The following SH3RF3 variants were observed in gnomAD, a reference collection of about 807,000 sequenced individuals.
The protein encoded by SH3RF3 is E3 ubiquitin-protein ligase SH3RF3.
Under a neutral mutation model 66.3 loss-of-function variants are expected in SH3RF3, and 29 were observed. That is an observed-to-expected ratio of 0.44 (90% confidence interval 0.33 to 0.60). The LOEUF (loss-of-function observed/expected upper bound fraction) is 0.60. SH3RF3 is among the 20% of genes least tolerant of loss of function. SH3RF3 has a pLI of 0.04. For missense variants in SH3RF3, 1,194 were observed against 1,190.9 expected, an observed-to-expected ratio of 1.00 and a Z score of -0.04; for synonymous variants, 583 against 532.0, an observed-to-expected ratio of 1.10 and a Z score of -1.32.
chr2:109,287,943 A>G (rs1002354326), intron 1 of SH3RF3, among the ~76,000 whole-genome samples: 3 of 152,252 alleles, frequency 2.0e-5, no homozygotes, highest in African/African-American at 7.2e-5. Context: ...GCCTGTTCAA[A>G]TAAGCAAGCC....
At chr2:109,235,377 C>G (rs1269525343) in intron 1 of SH3RF3, among the ~76,000 whole-genome samples, 1 of 152,122 alleles carries the variant, frequency 6.6e-6, no homozygotes, top group African/African-American at 2.4e-5. Flanking sequence ...TTTGAGAGAC[C>G]CTAATCTTTT....
intron 1 of SH3RF3, among the ~76,000 whole-genome samples, chr2:109,206,532 A>T (rs886561679): frequency 7.2e-6 from 1 of 138,874 alleles, no homozygotes; most frequent in Non-Finnish European, 1.5e-5. Context: ...GAGGAGGCTG[A>T]GTGTGGTGGC....
chr2:109,327,596 T>G (rs1682189134), intron 1 of SH3RF3, among the ~76,000 whole-genome samples: 1 of 152,242 alleles, frequency 6.6e-6, no homozygotes, highest in Non-Finnish European at 1.5e-5. Context: ...CTGAGTCCTC[T>G]TACTCAAGAA....
intron 8 of SH3RF3, among the ~76,000 whole-genome samples, chr2:109,478,759 TATC>T (rs1314652825): frequency 2.0e-5 from 3 of 152,182 alleles, no homozygotes; most frequent in African/African-American, 7.2e-5. Context: ...GCGACGGGCT[TATC>T]ATACAGGTTG....
At chr2:109,429,446 A>C (rs552398448) in intron 5 of SH3RF3, among the ~76,000 whole-genome samples, 55 of 152,284 alleles carry the variant, frequency 3.6e-4, no homozygotes, top group African/African-American at 1.3e-3. Context: ...TCATCAACAG[A>C]ACGAACTTAA....
At chr2:109,393,837 C>T (rs1003088812) in intron 3 of SH3RF3, among the ~76,000 whole-genome samples, 3 of 151,960 alleles carry the variant, frequency 2.0e-5, no homozygotes, top group African/African-American at 4.8e-5. Context: ...CATGTTACAG[C>T]TGCTGTCCTC....
intron 5 of SH3RF3, among the ~76,000 whole-genome samples, chr2:109,421,624 C>A (rs1034521097): frequency 6.6e-6 from 1 of 152,190 alleles, no homozygotes; most frequent in Admixed American, 6.5e-5. Context: ...GTTGCTGTGA[C>A]CTCTAGCTCT....
At chr2:109,371,434 A>G (rs1683268752) in intron 2 of SH3RF3, among the ~76,000 whole-genome samples, 152 bp from the exon 3 acceptor site, 1 of 152,210 alleles carries the variant, frequency 6.6e-6, no homozygotes, top group East Asian at 1.9e-4. Flanking sequence ...TCCTGGGTGA[A>G]GATGTCAGAT....
Position 109,179,527 on chromosome 2 carries a change from T to G in SH3RF3, c.573+49414T>G, listed in dbSNP as rs529799783. Among the ~76,000 whole-genome samples, 10 of 152,246 alleles carry G rather than the reference T, an allele frequency of 6.6e-5. No individual in the cohort carries two copies. In the South Asian group the frequency reaches 2.1e-3, roughly 32 times the overall value. On this transcript the variant is annotated intron_variant, in intron 1 of 9. Coordinates refer to ENST00000309415, the MANE Select transcript of SH3RF3 (RefSeq NM_001099289.3). ...GTGGGTAACTTATAAAGAAAACAGGTTTCATGAGCTCACAGTTCTGGAGAC... is the reference window on the plus strand; with the variant it reads ...GTGGGTAACTTATAAAGAAAACAGGGTTCATGAGCTCACAGTTCTGGAGAC...
chr2:109,455,692 G>A (rs957852929), intron 8 of SH3RF3, among the ~76,000 whole-genome samples: 6 of 152,168 alleles, frequency 3.9e-5, no homozygotes, highest in African/African-American at 1.4e-4. Flanking sequence ...ATTTCCTCTC[G>A]AGTGGAGGCA....
intron 3 of SH3RF3, among the ~76,000 whole-genome samples, chr2:109,381,204 C>T (rs1474003595): frequency 6.6e-6 from 1 of 152,216 alleles, no homozygotes; most frequent in African/African-American, 2.4e-5. Context: ...GGCAGCTGAA[C>T]ACCCAGGTGG....
intron 9 of SH3RF3, among the ~76,000 whole-genome samples, chr2:109,499,771 A>G (rs907970041): frequency 6.6e-6 from 1 of 151,788 alleles, no homozygotes; most frequent in Non-Finnish European, 1.5e-5. Flanking sequence ...GTGTGTGTGT[A>G]TGTGTGTGTG....
intron 2 of SH3RF3, among the ~76,000 whole-genome samples, chr2:109,370,713 G>C (rs1006272486): frequency 2.0e-5 from 3 of 151,858 alleles, no homozygotes; most frequent in Non-Finnish European, 2.9e-5. Context: ...TTCCTTCCTC[G>C]ATGACTGCTC....
chr2:109,300,133 T>C (rs752766936), intron 1 of SH3RF3, among the ~76,000 whole-genome samples: 6 of 152,108 alleles, frequency 3.9e-5, no homozygotes, highest in Non-Finnish European at 8.8e-5. Flanking sequence ...GGTGCATGTG[T>C]CCCTGCACAC....
At chr2:109,170,198 A>G (rs1358448068) in intron 1 of SH3RF3, among the ~76,000 whole-genome samples, 1 of 151,564 alleles carries the variant, frequency 6.6e-6, no homozygotes, top group Non-Finnish European at 1.5e-5. Context: ...GATGAACGAG[A>G]TGTTTTCTTT....
intron 1 of SH3RF3, among the ~76,000 whole-genome samples, chr2:109,324,074 G>A (rs1031801136): frequency 3.3e-5 from 5 of 152,148 alleles, no homozygotes; most frequent in African/African-American, 7.2e-5. Context: ...GTGGCCTTTT[G>A]TGTCTTACTT....
chr2:109,190,779 A>G (rs1273130205), intron 1 of SH3RF3, among the ~76,000 whole-genome samples: 1 of 152,060 alleles, frequency 6.6e-6, no homozygotes, highest in African/African-American at 2.4e-5. Flanking sequence ...GGGATCACTC[A>G]TAGGTGTTGC....
chr2:109,297,844 C>T (rs1681355443), intron 1 of SH3RF3, among the ~76,000 whole-genome samples: 2 of 152,122 alleles, frequency 1.3e-5, no homozygotes, highest in South Asian at 4.1e-4. Flanking sequence ...TGCCCCCGAC[C>T]TGGGCCAGTT....
At chr2:109,282,781 C>G (rs1680928630) in intron 1 of SH3RF3, among the ~76,000 whole-genome samples, 1 of 152,152 alleles carries the variant, frequency 6.6e-6, no homozygotes. Context: ...GAAGAGCTCA[C>G]CAGGAGGTAG....
Sources: allele counts gnomAD v4.1 joint callset (sites outside exome capture counted in the v4.1 genomes callset), GRCh38; gene constraint gnomAD v4.1.1; transcripts MANE v1.5; gene names NCBI Gene and HGNC (gene_info 2026-07-23, HGNC 2026-07-21).